Variants in SGMS2 observed in about 807,000 individuals in gnomAD.
SGMS2 encodes the protein sphingomyelin synthase 2, also known as phosphatidylcholine:ceramide cholinephosphotransferase 2.
Under a neutral mutation model 43.8 loss-of-function variants are expected in SGMS2, and 21 were observed. That is an observed-to-expected ratio of 0.48 (90% CI 0.34 to 0.69). The LOEUF (loss-of-function observed/expected upper bound fraction) is 0.69, where lower values mean the gene tolerates loss of function less well. SGMS2 is among the 30% of genes least tolerant of loss of function. SGMS2 has a pLI of 0.01. For synonymous variants in SGMS2, 167 were observed against 160.6 expected (o/e 1.04, Z -0.30); for missense variants, 384 against 443.2 (o/e 0.87, Z 1.20).
intron 1 of SGMS2, among the ~76,000 whole-genome samples, chr4:107,851,982 C>A (rs1052403481): frequency 1.3e-5 from 2 of 152,078 alleles, no homozygotes; most frequent in Non-Finnish European, 2.9e-5. Flanking sequence ...TTTGCTTGCC[C>A]CACACACAGA....
At chr4:107,896,512 G>C (rs781622598) in intron 3 of SGMS2, among the ~76,000 whole-genome samples, 10 of 152,126 alleles carry the variant, frequency 6.6e-5, no homozygotes, top group Admixed American at 6.6e-4. Flanking sequence ...TTTCTGTGGG[G>C]CTGGGTGTGT....
chr4:107,855,921 G>A (rs1005848136), intron 1 of SGMS2, among the ~76,000 whole-genome samples: 1 of 152,230 alleles, frequency 6.6e-6, no homozygotes, highest in African/African-American at 2.4e-5. Context: ...AAGGCTCAGG[G>A]AAATTAAGTA....
At chr4:107,908,506 G>A (rs1382410735) in intron 5 of SGMS2, 59 bp from the exon 6 acceptor site, 7 of 1,528,100 alleles carry the variant, frequency 4.6e-6, no homozygotes, top group Non-Finnish European at 6.3e-6. Context: ...AGGACAGACT[G>A]TAATCATTAC....
At chr4:107,873,696 A>G (rs1728708170) in intron 2 of SGMS2, among the ~76,000 whole-genome samples, 1 of 152,092 alleles carries the variant, frequency 6.6e-6, no homozygotes, top group African/African-American at 2.4e-5. Flanking sequence ...GTGGTTCTGT[A>G]TACGATTTAC....
In SGMS2 at chr4:107,911,140, T is replaced by TTTTG; in HGVS notation, c.*590_*591insGTTT. ...CACCCAATGCGCTACATATCACTTTTTTTTGTTTTGTTTTGTTTTGTTTTT... is the reference window on the plus strand; with the variant it reads ...CACCCAATGCGCTACATATCACTTTTTTTGTTTTGTTTTGTTTTGTTTTGTTTTT... On this transcript the variant is annotated 3_prime_UTR_variant, in exon 7 of 7. Coordinates refer to ENST00000690982, the MANE Select transcript of SGMS2 (RefSeq NM_001375905.1). The TTTTG allele has an allele frequency of 6.6e-6, 1 of 152,214 alleles. No individual in the cohort carries two copies. Among genetic ancestry groups the TTTTG allele is most frequent in the South Asian group, 2.1e-4 (1 of 4,830 alleles). 9.4% of individuals were successfully genotyped at this position (152,214 alleles called of 1,614,324 possible).
Position 107,889,513 on chromosome 4 carries a change from A to T in SGMS2, c.-244-5797A>T, listed in dbSNP as rs1367207872. Among the ~76,000 whole-genome samples, 5 of 152,280 alleles carry T rather than the reference A, an allele frequency of 3.3e-5. No individual in the cohort carries two copies. In the East Asian group the frequency reaches 9.6e-4, roughly 29 times the overall value. On this transcript the variant is annotated intron_variant, in intron 2 of 6. Transcript: ENST00000690982. ...TTAGTCTCTTATTTTTTCCTGATAA[A>T]CTATTTGATTCAAGTGCTTTTTTCT...
At chr4:107,893,170 A>C (rs1343139300) in intron 2 of SGMS2, 2 of 151,308 alleles carry the variant, frequency 1.3e-5, no homozygotes, top group Non-Finnish European at 3.0e-5. Context: ...TCCTCTTGGA[A>C]AAAAAAAAGA....
chr4:107,910,020 CTT>C (rs2126167288), intron 6 of SGMS2, among the ~76,000 whole-genome samples: 1 of 152,188 alleles, frequency 6.6e-6, no homozygotes, highest in East Asian at 1.9e-4. Flanking sequence ...TTCTTTCACT[CTT>C]TGACTTGCTT....
chr4:107,832,092 G>A (rs969437306), intron 1 of SGMS2, among the ~76,000 whole-genome samples: 1 of 152,134 alleles, frequency 6.6e-6, no homozygotes, highest in Non-Finnish European at 1.5e-5. Context: ...AGCTGCTACT[G>A]TCTTCTGATA....
At chr4:107,831,788 G>A (rs533622825) in intron 1 of SGMS2, among the ~76,000 whole-genome samples, 1 of 152,300 alleles carries the variant, frequency 6.6e-6, no homozygotes, top group East Asian at 1.9e-4. Flanking sequence ...GAAGTTGGTT[G>A]TACACTGCCA....
At position 107,882,226 on chromosome 4, in the gene SGMS2, A is replaced by G. The variant is rs115112895; in HGVS notation, c.-244-13084A>G. ...GGCTTTACTAACTAACATTCCCACC[A>G]ACAGTGTACAAGGATTCCCCCATCT... On this transcript the variant is annotated intron_variant, in intron 2 of 6. Coordinates refer to ENST00000690982, the MANE Select transcript of SGMS2 (RefSeq NM_001375905.1). Among the ~76,000 whole-genome samples, 1,430 of 152,336 alleles carry G rather than the reference A, an allele frequency of 9.4e-3. 17 individuals are homozygous for G. The highest frequency in any genetic ancestry group is 0.032 in the African/African-American group (1,345 of 41,574).
chr4:107,839,090 A>G (rs1201880443), intron 1 of SGMS2, among the ~76,000 whole-genome samples: 1 of 152,166 alleles, frequency 6.6e-6, no homozygotes, highest in African/African-American at 2.4e-5. Flanking sequence ...GGAGTCATAT[A>G]TGAAAACCTG....
At chr4:107,840,763 C>G (rs370935198) in intron 1 of SGMS2, among the ~76,000 whole-genome samples, 3 of 152,086 alleles carry the variant, frequency 2.0e-5, no homozygotes, top group South Asian at 2.1e-4. Context: ...AGGTTATGCT[C>G]TAGGGCCAAT....
chr4:107,911,010 G>T lies in SGMS2; in HGVS notation c.*457G>T. The T allele has an allele frequency of 6.3e-6, 1 of 158,604 alleles. No homozygotes were observed. Among genetic ancestry groups the T allele is most frequent in the Non-Finnish European group, 1.4e-5 (1 of 71,988 alleles). The allele number at this position is 158,604 out of a possible 1,614,324, so 9.8% of individuals were successfully genotyped here. Reference sequence around the variant, plus strand: ...AGAGTGGTTTTTAGCATTAGGTTTAGCAAGGGGGAGATCCGTGGGTTGTGC... The same window carrying T: ...AGAGTGGTTTTTAGCATTAGGTTTATCAAGGGGGAGATCCGTGGGTTGTGC... On this transcript the variant is annotated 3_prime_UTR_variant, in exon 7 of 7. Coordinates refer to ENST00000690982, the MANE Select transcript of SGMS2 (RefSeq NM_001375905.1).
intron 2 of SGMS2, among the ~76,000 whole-genome samples, chr4:107,865,785 G>A (rs1728067397): frequency 6.6e-6 from 1 of 152,132 alleles, no homozygotes. Context: ...ATTGGTTTCA[G>A]TCCTGGTGGA....
chr4:107,880,864 A>AAAAG (rs1260349134), intron 2 of SGMS2, among the ~76,000 whole-genome samples: 1 of 147,610 alleles, frequency 6.8e-6, no homozygotes, highest in Non-Finnish European at 1.5e-5. Flanking sequence ...AAAAAAAAAA[A>AAAAG]AAAGAAAGAA....
intron 3 of SGMS2, among the ~76,000 whole-genome samples, chr4:107,897,451 A>G (rs1730768454): frequency 6.6e-6 from 1 of 152,228 alleles, no homozygotes; most frequent in Admixed American, 6.5e-5. Flanking sequence ...GAGCCTGCTA[A>G]GGCGGCAGAT....
At chr4:107,851,065 T>C (rs1451357534) in intron 1 of SGMS2, among the ~76,000 whole-genome samples, 1 of 152,214 alleles carries the variant, frequency 6.6e-6, no homozygotes, top group Non-Finnish European at 1.5e-5. Flanking sequence ...CATGTCATCC[T>C]GCCTCTAAAA....
At position 107,899,560 on chromosome 4, in the gene SGMS2, T is replaced by C. The variant is rs1226108910; in HGVS notation, c.456-15T>C. 4.4e-6 allele frequency: 7 copies of C among 1,584,022 alleles called. No individual in the cohort carries two copies. The highest frequency in any genetic ancestry group is 6.0e-6 in the Non-Finnish European group (7 of 1,162,300). ...CAGTAAACTTGTTTTTCCCCATCCCTATTTTTTCTTTTAGGTCAATAGTGG... is the reference window on the plus strand; with the variant it reads ...CAGTAAACTTGTTTTTCCCCATCCCCATTTTTTCTTTTAGGTCAATAGTGG... On this transcript the variant is annotated splice_polypyrimidine_tract_variant and intron_variant, in intron 3 of 6. Coordinates refer to ENST00000690982, the MANE Select transcript of SGMS2 (RefSeq NM_001375905.1).
Sources: allele counts gnomAD v4.1 joint callset (sites outside exome capture counted in the v4.1 genomes callset), GRCh38; gene constraint gnomAD v4.1.1; transcripts MANE v1.5; gene names NCBI Gene and HGNC (gene_info 2026-07-23, HGNC 2026-07-21).